The following ADARB2 variants were observed in gnomAD, a reference collection of about 807,000 sequenced individuals.
ADARB2 encodes adenosine deaminase RNA specific B2 (inactive).
A neutral mutation model predicts 62.2 loss-of-function variants in ADARB2; 25 were observed. The ratio of observed to expected loss-of-function variants is 0.40; its 90% confidence interval spans 0.29 to 0.56. The LOEUF (loss-of-function observed/expected upper bound fraction) is 0.56. Among genes scored for constraint, ADARB2 ranks in the 20% least tolerant of loss-of-function variants. The pLI is 0.43. For missense variants in ADARB2, 1,071 were observed against 1,077.4 expected, an observed-to-expected ratio of 0.99 and a Z score of 0.08; for synonymous variants, 572 against 500.8, an observed-to-expected ratio of 1.14 and a Z score of -1.90.
chr10:1,656,639 G>A (rs1457908663), intron 1 of ADARB2, among the ~76,000 whole-genome samples: 2 of 152,064 alleles, frequency 1.3e-5, no homozygotes, highest in African/African-American at 4.8e-5. Context: ...TCTTCATATT[G>A]GGGTGTTGGC....
rs201795703 is a variant in ADARB2 at position 1,387,382 on chromosome 10, A to G, written c.101-8222T>C. 1.3e-4 allele frequency among the ~76,000 whole-genome samples: 20 copies of G among 152,006 alleles called. No homozygotes were observed. The East Asian group carries it at 3.9e-3, about 29-fold the overall frequency. ...AGTTAGATTAATCATGAAAAAGGAG[A>G]AAAAAACTTCCATGTTTTCTAATTA... On this transcript the variant is annotated intron_variant, in intron 1 of 9. Transcript: ENST00000381312.
intron 4 of ADARB2, among the ~76,000 whole-genome samples, chr10:1,263,681 C>T (rs1045106733): frequency 2.6e-5 from 4 of 152,150 alleles, no homozygotes; most frequent in African/African-American, 7.2e-5. Flanking sequence ...CATGTATTTC[C>T]ATCTACCCAT....
chr10:1,381,811 C>T (rs556830961), intron 1 of ADARB2, among the ~76,000 whole-genome samples: 2 of 152,286 alleles, frequency 1.3e-5, no homozygotes, highest in African/African-American at 4.8e-5. Context: ...AAGCAGAGAG[C>T]AGCATGGTGC....
intron 1 of ADARB2, among the ~76,000 whole-genome samples, chr10:1,733,950 G>GA (rs1462663544): frequency 1.8e-5 from 2 of 109,602 alleles, no homozygotes; most frequent in Non-Finnish European, 4.3e-5. Flanking sequence ...CATGGGATAT[G>GA]AACGTTGCTT....
chr10:1,657,132 C>A (rs939481785), intron 1 of ADARB2, among the ~76,000 whole-genome samples: 2 of 152,046 alleles, frequency 1.3e-5, no homozygotes, highest in East Asian at 3.8e-4. Flanking sequence ...AAGCATGCAG[C>A]CTTGTGAAAA....
chr10:1,419,840 A>G (rs902048793), intron 1 of ADARB2, among the ~76,000 whole-genome samples: 2 of 152,200 alleles, frequency 1.3e-5, no homozygotes, highest in Non-Finnish European at 2.9e-5. Flanking sequence ...ACATCTCTGC[A>G]TATGTGTTTT....
intron 3 of ADARB2, among the ~76,000 whole-genome samples, chr10:1,325,850 C>G (rs919874001): frequency 6.6e-6 from 1 of 152,294 alleles, no homozygotes. Flanking sequence ...ATATCCGCAC[C>G]TGAGAACAAG....
At chr10:1,471,283 G>A (rs953442806) in intron 1 of ADARB2, among the ~76,000 whole-genome samples, 1 of 152,206 alleles carries the variant, frequency 6.6e-6, no homozygotes, top group South Asian at 2.1e-4. Flanking sequence ...GCTCCACAGA[G>A]CAAGTAGAAC....
In ADARB2 at chr10:1,181,495, G is replaced by A. The variant is rs1158691940; in HGVS notation, c.*1698C>T. The A allele has an allele frequency of 6.6e-6, 1 of 152,184 alleles. No homozygotes were observed. Among genetic ancestry groups the A allele is most frequent in the Non-Finnish European group, 1.5e-5 (1 of 68,040 alleles). 9.4% of individuals were successfully genotyped at this position (152,184 alleles called of 1,614,324 possible). A position where few individuals can be genotyped will look rare whatever the true frequency, so the allele number is the denominator to read the frequency against. On this transcript the variant is annotated 3_prime_UTR_variant, in exon 10 of 10. Coordinates refer to ENST00000381312, the MANE Select transcript of ADARB2 (RefSeq NM_018702.4). The stretch of plus-strand genomic sequence containing the variant: ...CCTGTTTTCTTTTCTAAAAGAACTC[G>A]AGTGATAAATTTGGCCTGATTTTAA...
intron 1 of ADARB2, among the ~76,000 whole-genome samples, chr10:1,567,791 C>T (rs1057076856): frequency 6.6e-6 from 1 of 152,208 alleles, no homozygotes; most frequent in Admixed American, 6.5e-5. Context: ...ACAGCAGGGG[C>T]TCAAAGAGCG....
intron 1 of ADARB2, among the ~76,000 whole-genome samples, chr10:1,540,034 C>T (rs1348119412): frequency 6.6e-6 from 1 of 152,058 alleles, no homozygotes; most frequent in Non-Finnish European, 1.5e-5. Flanking sequence ...ACCCAGAAGG[C>T]AAGCTGATAA....
chr10:1,354,633 G>A (rs1230040229), intron 3 of ADARB2, among the ~76,000 whole-genome samples: 2 of 152,178 alleles, frequency 1.3e-5, no homozygotes, highest in African/African-American at 2.4e-5. Flanking sequence ...GAGAGGGATC[G>A]GGGAGCAGGG....
chr10:1,692,486 A>G (rs1244865679), intron 1 of ADARB2, among the ~76,000 whole-genome samples: 5 of 152,186 alleles, frequency 3.3e-5, no homozygotes, highest in African/African-American at 9.6e-5. Context: ...CCACTGTCCC[A>G]AATTCAGCAG....
At chr10:1,574,903 G>A (rs191882025) in intron 1 of ADARB2, among the ~76,000 whole-genome samples, 2 of 147,038 alleles carry the variant, frequency 1.4e-5, no homozygotes, top group East Asian at 3.9e-4. Flanking sequence ...GAGGATTTGA[G>A]GGGTGATCTC....
intron 1 of ADARB2, among the ~76,000 whole-genome samples, chr10:1,725,925 A>G (rs1442179579): frequency 6.6e-6 from 1 of 152,268 alleles, no homozygotes; most frequent in Non-Finnish European, 1.5e-5. Flanking sequence ...CATAGTCAAG[A>G]GTACAGGGGC....
At chr10:1,498,644 T>C (rs1831722702) in intron 1 of ADARB2, among the ~76,000 whole-genome samples, 1 of 152,146 alleles carries the variant, frequency 6.6e-6, no homozygotes, top group Non-Finnish European at 1.5e-5. Context: ...CAAAATATAA[T>C]AAACATGACA....
intron 3 of ADARB2, among the ~76,000 whole-genome samples, chr10:1,311,641 G>A (rs1831692034): frequency 6.6e-6 from 1 of 152,154 alleles, no homozygotes; most frequent in African/African-American, 2.4e-5. Flanking sequence ...GACCCTGAGT[G>A]AGGAGAAAGC....
At chr10:1,419,786 C>T (rs891982580) in intron 1 of ADARB2, among the ~76,000 whole-genome samples, 3 of 152,206 alleles carry the variant, frequency 2.0e-5, no homozygotes, top group Non-Finnish European at 4.4e-5. Flanking sequence ...TAACTAAGCG[C>T]TTGTTAGCTT....
At position 1,310,374 on chromosome 10, in the gene ADARB2, CATTG is replaced by C. The variant is rs1218296277; in HGVS notation, c.1078-39309_1078-39306del. ...ATGTTGGAATCAATGAGAAAAACTT[CATTG>C]ACTCTGAATAACATTCCTTCATTGA... On this transcript the variant is annotated intron_variant, in intron 3 of 9. Coordinates refer to ENST00000381312, the MANE Select transcript of ADARB2 (RefSeq NM_018702.4). 3.8e-4 allele frequency among the ~76,000 whole-genome samples: 54 copies of C among 142,996 alleles called. 2 individuals carry two copies. Among genetic ancestry groups the C allele is most frequent in the East Asian group, 1.3e-3 (7 of 5,188 alleles). 93.8% of individuals were successfully genotyped at this position (142,996 alleles called of 152,430 possible).
Sources: allele counts gnomAD v4.1 joint callset (sites outside exome capture counted in the v4.1 genomes callset), GRCh38; gene constraint gnomAD v4.1.1; transcripts MANE v1.5; gene names NCBI Gene and HGNC (gene_info 2026-07-23, HGNC 2026-07-21).